Variants in KCNK1 observed in about 807,000 individuals in gnomAD.
KCNK1 encodes the protein potassium two pore domain channel subfamily K member 1.
KCNK1 carries 10 observed loss-of-function variants against 22.2 expected under a neutral mutation model. The observed-to-expected ratio is 0.45, with a 90% CI of 0.28 to 0.76. The LOEUF (loss-of-function observed/expected upper bound fraction) is 0.76, where lower values mean the gene tolerates loss of function less well. Among genes scored for constraint, KCNK1 ranks in the 30% least tolerant of loss-of-function variants. KCNK1 has a pLI of 0.14. For missense variants in KCNK1, 378 were observed against 421.0 expected (o/e 0.90, Z 0.89); for synonymous variants, 200 against 186.4 (o/e 1.07, Z -0.60).
intron 1 of KCNK1, among the ~76,000 whole-genome samples, chr1:233,645,880 G>A (rs1658083282): frequency 6.6e-6 from 1 of 152,200 alleles, no homozygotes; most frequent in South Asian, 2.1e-4. Flanking sequence ...AGAACCAACA[G>A]GATGTGCTGA....
chr1:233,667,690 A>G (rs1231608451), intron 2 of KCNK1, among the ~76,000 whole-genome samples: 1 of 133,528 alleles, frequency 7.5e-6, no homozygotes, highest in Non-Finnish European at 1.5e-5. Context: ...AGATCGCGCC[A>G]CTGCACTCCA....
intron 1 of KCNK1, among the ~76,000 whole-genome samples, chr1:233,632,604 G>A (rs1329825402): frequency 6.6e-6 from 1 of 152,170 alleles, no homozygotes; most frequent in Admixed American, 6.5e-5. Context: ...CTGGTTCAGT[G>A]ATTCCAGTAA....
At chr1:233,638,128 T>G (rs1571895410) in intron 1 of KCNK1, among the ~76,000 whole-genome samples, 1 of 152,230 alleles carries the variant, frequency 6.6e-6, no homozygotes, top group Non-Finnish European at 1.5e-5. Context: ...CTTTGTTAGC[T>G]TATATGTCTT....
intron 1 of KCNK1, chr1:233,624,236 G>A (rs1657646087): frequency 6.5e-6 from 1 of 153,124 alleles, no homozygotes; most frequent in Admixed American, 6.5e-5. Flanking sequence ...AGTATGCACT[G>A]AGGAGGGAGG....
At chr1:233,638,087 CAGTT>C (rs1381019498) in intron 1 of KCNK1, among the ~76,000 whole-genome samples, 2 of 151,204 alleles carry the variant, frequency 1.3e-5, no homozygotes, top group Admixed American at 6.6e-5. Flanking sequence ...TTGATTATAA[CAGTT>C]AGTAAAATAC....
At chr1:233,652,829 A>C (rs1658224798) in intron 1 of KCNK1, among the ~76,000 whole-genome samples, 1 of 152,202 alleles carries the variant, frequency 6.6e-6, no homozygotes, top group South Asian at 2.1e-4. Context: ...GCTGGTGGAC[A>C]TGCCTTTGCA....
chr1:233,663,835 T>A (rs1368398444), intron 1 of KCNK1, among the ~76,000 whole-genome samples: 1 of 151,836 alleles, frequency 6.6e-6, no homozygotes, highest in Non-Finnish European at 1.5e-5. Context: ...TTGGCTTTTT[T>A]TTTGCGGGGG....
chr1:233,632,092 A>G (rs1370578416), intron 1 of KCNK1, among the ~76,000 whole-genome samples: 1 of 152,150 alleles, frequency 6.6e-6, no homozygotes, highest in East Asian at 1.9e-4. Flanking sequence ...ACAGGAAAAC[A>G]TTGCGTTGTC....
Position 233,671,575 on chromosome 1 carries a change from C to A in KCNK1, c.*45C>A. 6.2e-7 allele frequency: 1 copy of A among 1,607,912 alleles called. No individual in the cohort carries two copies. The highest frequency in any genetic ancestry group is 8.5e-7 in the Non-Finnish European group (1 of 1,176,232). On this transcript the variant is annotated 3_prime_UTR_variant, in exon 3 of 3. Coordinates refer to ENST00000366621, the MANE Select transcript of KCNK1 (RefSeq NM_002245.4). ...ATGCTAGAGCACCAGGGTCAGGGTG[C>A]AAGGAAGAGGCTTAAGTATGTTCAT... is the stretch of plus-strand genomic sequence containing the variant.
chr1:233,656,656 G>C (rs961292057), intron 1 of KCNK1, among the ~76,000 whole-genome samples: 2 of 152,078 alleles, frequency 1.3e-5, no homozygotes, highest in African/African-American at 2.4e-5. Flanking sequence ...GTCTCTCGTC[G>C]TCTAGGCTGG....
chr1:233,653,270 C>T (rs1658230860), intron 1 of KCNK1, among the ~76,000 whole-genome samples: 1 of 152,226 alleles, frequency 6.6e-6, no homozygotes, highest in East Asian at 1.9e-4. Flanking sequence ...GGTGCCCCCA[C>T]AGCATGGCAT....
At chr1:233,624,766 T>G (rs748849634) in intron 1 of KCNK1, among the ~76,000 whole-genome samples, 21 of 152,194 alleles carry the variant, frequency 1.4e-4, no homozygotes, top group Non-Finnish European at 2.5e-4. Flanking sequence ...TCATGTGTAC[T>G]CGGTGCACCA....
intron 1 of KCNK1, among the ~76,000 whole-genome samples, chr1:233,648,016 A>G (rs1658128670): frequency 6.6e-6 from 1 of 152,242 alleles, no homozygotes; most frequent in Non-Finnish European, 1.5e-5. Context: ...CTCTCAAAGA[A>G]CATTCCAAAA....
chr1:233,624,637 TTACTTC>T (rs1657653677), intron 1 of KCNK1, among the ~76,000 whole-genome samples: 1 of 152,202 alleles, frequency 6.6e-6, no homozygotes, highest in South Asian at 2.1e-4. Flanking sequence ...TCTAAAGATG[TTACTTC>T]TATTCAAGAG....
intron 1 of KCNK1, among the ~76,000 whole-genome samples, chr1:233,664,477 G>A (rs1050387939): frequency 2.0e-4 from 30 of 152,152 alleles, no homozygotes; most frequent in Non-Finnish European, 1.5e-4. Context: ...GCAGTTGGGT[G>A]TGCAGGGACC....
intron 1 of KCNK1, among the ~76,000 whole-genome samples, chr1:233,665,687 G>A (rs1007851837): frequency 2.7e-5 from 4 of 150,730 alleles, no homozygotes; most frequent in African/African-American, 9.7e-5. Context: ...TTCAGTGGGG[G>A]CAGAGCCTTC....
At chr1:233,633,622 T>C (rs539674682) in intron 1 of KCNK1, among the ~76,000 whole-genome samples, 1 of 152,328 alleles carries the variant, frequency 6.6e-6, no homozygotes, top group Non-Finnish European at 1.5e-5. Context: ...TGTAAAATAC[T>C]AAATTTATTT....
chr1:233,643,787 C>T (rs1410016597), intron 1 of KCNK1, among the ~76,000 whole-genome samples: 1 of 152,170 alleles, frequency 6.6e-6, no homozygotes, highest in Non-Finnish European at 1.5e-5. Context: ...TTCCTGTCCA[C>T]CCCTCTACCC....
At chr1:233,617,583 C>T (rs1373891919) in intron 1 of KCNK1, among the ~76,000 whole-genome samples, 4 of 152,078 alleles carry the variant, frequency 2.6e-5, no homozygotes, top group African/African-American at 9.7e-5. Context: ...ATTTTTAGGA[C>T]AGTTGTGTAG....
Sources: allele counts gnomAD v4.1 joint callset (sites outside exome capture counted in the v4.1 genomes callset), GRCh38; gene constraint gnomAD v4.1.1; transcripts MANE v1.5; gene names NCBI Gene and HGNC (gene_info 2026-07-23, HGNC 2026-07-21).